The following GLG1 variants were observed in gnomAD, a reference collection of about 807,000 sequenced individuals.
GLG1 encodes the protein golgi glycoprotein 1.
In GLG1, 38 loss-of-function variants were observed where a neutral mutation model predicts 160.5. The ratio of observed to expected loss-of-function variants is 0.24; its 90% confidence interval spans 0.18 to 0.31. GLG1 has a LOEUF of 0.31. Among genes scored for constraint, GLG1 ranks in the 10% least tolerant of loss-of-function variants. The probability of loss-of-function intolerance (pLI) is 1.00; values close to 1 mark genes in which losing one functional copy is unlikely to be tolerated. For missense variants in GLG1, 1,373 were observed against 1,505.2 expected, an observed-to-expected ratio of 0.91 and a Z score of 1.45; for synonymous variants, 644 against 543.4, an observed-to-expected ratio of 1.19 and a Z score of -2.57.
rs376959060 is a variant in GLG1 at position 74,462,200 on chromosome 16, A to G, written c.2935-5T>C. 476 of 1,537,400 alleles carry G rather than the reference A, an allele frequency of 3.1e-4. 2 individuals are homozygous for G. Among genetic ancestry groups the G allele is most frequent in the Middle Eastern group, 1.7e-4 (1 of 5,950 alleles). On this transcript the variant is annotated splice_region_variant and splice_polypyrimidine_tract_variant and intron_variant, in intron 21 of 25. Transcript: ENST00000422840. ...TTCACAGTCTGAAGACAGGCGCTGC[A>G]TGTGACAAAGGGAGGATACATGGGC... is the stretch of plus-strand genomic sequence containing the variant.
chr16:74,550,720 G>C (rs1183383050), intron 1 of GLG1, among the ~76,000 whole-genome samples: 1 of 151,970 alleles, frequency 6.6e-6, no homozygotes, highest in Non-Finnish European at 1.5e-5. Flanking sequence ...GGACAAGCTT[G>C]GCAGCAATCT....
rs1282321207 is a variant in GLG1 at position 74,542,659 on chromosome 16, C to T, written c.439-10506G>A. On this transcript the variant is annotated intron_variant, in intron 1 of 25. Transcript: ENST00000422840. ...TGCACTCCAGCCTGGGTGACAAAAG[C>T]GAAACTCTGTCAAAAAAAAAAAAGG... is the stretch of plus-strand genomic sequence containing the variant. Among the ~76,000 whole-genome samples the T allele has an allele frequency of 4.1e-5, 5 of 120,842 alleles. No individual in the cohort carries two copies. The South Asian group carries it at 1.1e-3, about 27-fold the overall frequency. The allele number at this position is 120,842 out of a possible 152,430, so 79.3% of individuals were successfully genotyped here.
At chr16:74,572,682 C>T (rs2018866070) in intron 1 of GLG1, among the ~76,000 whole-genome samples, 1 of 152,178 alleles carries the variant, frequency 6.6e-6, no homozygotes, top group Admixed American at 6.5e-5. Context: ...TTCCAACTGG[C>T]TGTTCATCTG....
At chr16:74,598,797 T>C (rs1379271180) in intron 1 of GLG1, among the ~76,000 whole-genome samples, 2 of 151,756 alleles carry the variant, frequency 1.3e-5, no homozygotes, top group Non-Finnish European at 2.9e-5. Context: ...GGCAGGAGAA[T>C]GGCTTGAACC....
intron 1 of GLG1, among the ~76,000 whole-genome samples, chr16:74,572,666 C>T (rs1415253431): frequency 1.3e-5 from 2 of 152,196 alleles, no homozygotes; most frequent in Non-Finnish European, 2.9e-5. Flanking sequence ...TCGCCCTATG[C>T]ACCTCTTCCA....
chr16:74,515,227 G>C (rs1216071948), intron 2 of GLG1, among the ~76,000 whole-genome samples: 1 of 152,044 alleles, frequency 6.6e-6, no homozygotes, highest in African/African-American at 2.4e-5. Flanking sequence ...ATCAATAATA[G>C]ACATATCAAC....
chr16:74,532,511 A>T (rs1200259502), intron 1 of GLG1, among the ~76,000 whole-genome samples: 3 of 152,074 alleles, frequency 2.0e-5, no homozygotes, highest in Non-Finnish European at 4.4e-5. Flanking sequence ...AAAGTCGCTC[A>T]ATTTTTATTT....
intron 1 of GLG1, among the ~76,000 whole-genome samples, chr16:74,582,158 A>G (rs1957952175): frequency 6.6e-6 from 1 of 152,070 alleles, no homozygotes; most frequent in African/African-American, 2.4e-5. Context: ...ATAGATCTCC[A>G]TAATCTGTTT....
chr16:74,461,293 G>A lies in GLG1; in HGVS notation c.3036+801C>T, dbSNP rs572885507. Among the ~76,000 whole-genome samples the A allele has an allele frequency of 4.7e-5, 7 of 149,648 alleles. No individual in the cohort carries two copies. In the South Asian group the frequency reaches 6.4e-4, roughly 14 times the overall value. On this transcript the variant is annotated intron_variant, in intron 22 of 25. Coordinates refer to ENST00000422840, the MANE Select transcript of GLG1 (RefSeq NM_001145667.2). ...TGCCATTCTCCTGCCTTAGCCTCCC[G>A]GGTAGCTGGGACTACAGGTATACGC...
chr16:74,514,826 G>C (rs931423430), intron 2 of GLG1, among the ~76,000 whole-genome samples: 2 of 152,116 alleles, frequency 1.3e-5, no homozygotes, highest in Non-Finnish European at 2.9e-5. Flanking sequence ...AAATGCCCCA[G>C]TTAAAAGACA....
chr16:74,600,375 A>T (rs551617237), intron 1 of GLG1, among the ~76,000 whole-genome samples: 1 of 150,364 alleles, frequency 6.7e-6, no homozygotes, highest in African/African-American at 2.4e-5. Context: ...CCAGCCTGGG[A>T]GATAGAGTAA....
chr16:74,511,232 A>T lies in GLG1; in HGVS notation c.472-2307T>A, dbSNP rs569631750. ...CATTAGAAATGACATGGAAGCATGCAGTTAATTCTGTATGAGTGCTGAGGA... is the reference window on the plus strand; with the variant it reads ...CATTAGAAATGACATGGAAGCATGCTGTTAATTCTGTATGAGTGCTGAGGA... On this transcript the variant is annotated intron_variant, in intron 2 of 25. Coordinates refer to ENST00000422840, the MANE Select transcript of GLG1 (RefSeq NM_001145667.2). Among the ~76,000 whole-genome samples the T allele has an allele frequency of 1.3e-5, 2 of 152,356 alleles. 1 individual carries two copies. Among genetic ancestry groups the T allele is most frequent in the Admixed American group, 1.3e-4 (2 of 15,286 alleles).
intron 2 of GLG1, among the ~76,000 whole-genome samples, chr16:74,528,583 G>A (rs1166666526): frequency 1.9e-4 from 29 of 151,846 alleles, no homozygotes; most frequent in African/African-American, 5.8e-4. Context: ...AAGTCGAGGC[G>A]GGTGGATCAC....
chr16:74,486,879 C>T (rs1314662085), intron 8 of GLG1, among the ~76,000 whole-genome samples: 3 of 151,952 alleles, frequency 2.0e-5, no homozygotes, highest in Non-Finnish European at 4.4e-5. Flanking sequence ...ATTATTACTA[C>T]AGATAAGTAG....
intron 9 of GLG1, among the ~76,000 whole-genome samples, chr16:74,483,573 C>T (rs1366199450): frequency 2.0e-5 from 3 of 152,084 alleles, no homozygotes; most frequent in Non-Finnish European, 4.4e-5. Flanking sequence ...GGACTTAATA[C>T]CATTATCACA....
intron 1 of GLG1, among the ~76,000 whole-genome samples, chr16:74,551,612 AT>A (rs535693858): frequency 1.5e-3 from 214 of 142,866 alleles, no homozygotes; most frequent in Middle Eastern, 3.9e-3. Flanking sequence ...CCCAGCCCTT[AT>A]TTTTTTTTTT....
At position 74,477,555 on chromosome 16, in the gene GLG1, A is replaced by G. The variant is rs371067878; in HGVS notation, c.1828-22T>C. The G allele has an allele frequency of 8.8e-6, 14 of 1,599,232 alleles. No individual in the cohort carries two copies. In the African/African-American group the frequency reaches 1.9e-4, roughly 21 times the overall value. On this transcript the variant is annotated intron_variant, in intron 11 of 25. Transcript: ENST00000422840. ...AGAGCTGCATGAGAAAAAATGAGCT[A>G]AATACTTGAAAGGTAACAAAACAAA...
intron 2 of GLG1, among the ~76,000 whole-genome samples, chr16:74,513,682 G>C (rs1417369293): frequency 6.6e-6 from 1 of 152,046 alleles, no homozygotes; most frequent in East Asian, 1.9e-4. Flanking sequence ...TAGAAGATGG[G>C]GAGAAACCAG....
chr16:74,491,795 C>T (rs566768043), intron 7 of GLG1, among the ~76,000 whole-genome samples: 12 of 151,894 alleles, frequency 7.9e-5, no homozygotes, highest in Middle Eastern at 3.4e-3. Flanking sequence ...CCTGCCACCA[C>T]GCCCGGCTAA....
Sources: allele counts gnomAD v4.1 joint callset (sites outside exome capture counted in the v4.1 genomes callset), GRCh38; gene constraint gnomAD v4.1.1; transcripts MANE v1.5; gene names NCBI Gene and HGNC (gene_info 2026-07-23, HGNC 2026-07-21).